LRRK1: variants seen among roughly 807,000 people sequenced by gnomAD.
The protein encoded by LRRK1 is leucine rich repeat kinase 1.
LRRK1 carries 113 observed loss-of-function variants against 209.1 expected under a neutral mutation model. The observed-to-expected ratio is 0.54, with a 90% CI of 0.46 to 0.63. LRRK1 has a LOEUF of 0.63. LRRK1 is among the 30% of genes least tolerant of loss of function. LRRK1 has a pLI of 0.00. For synonymous variants in LRRK1, 1,144 were observed against 1,099.7 expected (o/e 1.04, Z -0.80); for missense variants, 2,284 against 2,632.2 (o/e 0.87, Z 2.89).
intron 5 of LRRK1, 72 bp downstream of exon 5, chr15:100,988,885 T>A: frequency 8.0e-7 from 1 of 1,256,518 alleles, no homozygotes; most frequent in African/African-American, 1.5e-5. Context: ...TGGGACTGTG[T>A]CTTTATTCTC....
chr15:100,941,430 G>C (rs12912414), intron 2 of LRRK1, among the ~76,000 whole-genome samples: 10 of 121,764 alleles, frequency 8.2e-5, no homozygotes, highest in African/African-American at 1.9e-4. Context: ...GTGTGTGTCT[G>C]TGTGTGTGTG....
intron 20 of LRRK1, among the ~76,000 whole-genome samples, chr15:101,033,872 C>T (rs1422238782): frequency 6.6e-6 from 1 of 152,196 alleles, no homozygotes; most frequent in African/African-American, 2.4e-5. Context: ...TACTAATTTA[C>T]ATTACAGCCA....
At chr15:101,059,891 C>T (rs1353939135) in intron 29 of LRRK1, among the ~76,000 whole-genome samples, 5 of 152,196 alleles carry the variant, frequency 3.3e-5, no homozygotes, top group Non-Finnish European at 7.3e-5. Flanking sequence ...GAAGCAAGGA[C>T]ATCGTCAGAC....
chr15:101,045,096 T>TAA (rs1567260637), intron 20 of LRRK1, among the ~76,000 whole-genome samples: 1 of 152,182 alleles, frequency 6.6e-6, no homozygotes, highest in East Asian at 1.9e-4. Context: ...TGTCAGAGCG[T>TAA]GTAAGTGAGA....
At chr15:100,989,081 C>T (rs2032025185) in intron 5 of LRRK1, among the ~76,000 whole-genome samples, 169 bp from the exon 6 acceptor site, 1 of 152,260 alleles carries the variant, frequency 6.6e-6, no homozygotes, top group Admixed American at 6.5e-5. Context: ...CAAAGCCCCA[C>T]AGAAATTCTC....
chr15:100,927,081 C>A (rs533897459), intron 2 of LRRK1, among the ~76,000 whole-genome samples: 1 of 152,304 alleles, frequency 6.6e-6, no homozygotes, highest in East Asian at 1.9e-4. Context: ...TAGAGCAGCA[C>A]TTCTCAAATT....
At chr15:100,935,749 A>C (rs115225906) in intron 2 of LRRK1, among the ~76,000 whole-genome samples, 2,595 of 152,286 alleles carry the variant, frequency 0.017, 64 homozygotes, top group African/African-American at 0.057. Flanking sequence ...CTGGCTTAAA[A>C]GAACAACGAA....
rs767798940 is a variant in LRRK1, at chr15:101,024,696, T to C, written c.2068-107T>C. On this transcript the variant is annotated intron_variant, in intron 15 of 33. Coordinates refer to ENST00000388948, the MANE Select transcript of LRRK1 (RefSeq NM_024652.6). The surrounding 1 kb of genome is among the most constrained non-coding windows in gnomAD (Gnocchi z 4.6). ...TCCAGAACTTTTCCACGGTTGTTTT[T>C]TCAGACCCCCGAGTCCAGCCTCCAG... The C allele has an allele frequency of 4.8e-6, 6 of 1,258,114 alleles. No individual in the cohort carries two copies. Among genetic ancestry groups the C allele is most frequent in the African/African-American group, 1.5e-5 (1 of 66,800 alleles). 77.9% of individuals were successfully genotyped at this position (1,258,114 alleles called of 1,614,324 possible).
intron 11 of LRRK1, 47 bp downstream of exon 11, chr15:101,014,475 G>A (rs2033433190): frequency 7.7e-7 from 1 of 1,297,056 alleles, no homozygotes; most frequent in East Asian, 2.3e-5. Context: ...GCGTGTGTGG[G>A]GCCACGGTCG....
intron 2 of LRRK1, among the ~76,000 whole-genome samples, chr15:100,930,586 C>T (rs1404545634): frequency 6.6e-6 from 1 of 152,238 alleles, no homozygotes; most frequent in Non-Finnish European, 1.5e-5. Context: ...TGCAGGGCAG[C>T]CCTATCTGGT....
chr15:100,991,115 G>C (rs2032138405), intron 6 of LRRK1, among the ~76,000 whole-genome samples: 1 of 152,186 alleles, frequency 6.6e-6, no homozygotes, highest in African/African-American at 2.4e-5. Context: ...CATCTGAATT[G>C]AGATGTCACC....
At chr15:101,016,973 G>T (rs930260121) in intron 12 of LRRK1, among the ~76,000 whole-genome samples, 2 of 152,142 alleles carry the variant, frequency 1.3e-5, no homozygotes, top group Non-Finnish European at 2.9e-5. Flanking sequence ...AGCTCTTTTT[G>T]TTCCATTATC....
intron 11 of LRRK1, among the ~76,000 whole-genome samples, chr15:101,014,821 T>G (rs142093124): frequency 1.2e-3 from 179 of 152,370 alleles, no homozygotes; most frequent in Non-Finnish European, 1.0e-3. Flanking sequence ...TACAGTCACA[T>G]TCTGAGGAAT....
At position 101,071,726 on chromosome 15, in the gene LRRK1, G is replaced by C. The variant is rs2036813366; in HGVS notation, c.*2878G>C. On this transcript the variant is annotated 3_prime_UTR_variant, in exon 34 of 34. Coordinates refer to ENST00000388948, the MANE Select transcript of LRRK1 (RefSeq NM_024652.6). ...TTTAGGAGCTCACTCCTCATAGGTAGAGTTGACAATAAGCACACAAACAAG... is the reference window on the plus strand; with the variant it reads ...TTTAGGAGCTCACTCCTCATAGGTACAGTTGACAATAAGCACACAAACAAG... 6.6e-6 allele frequency: 1 copy of C among 152,196 alleles called. No homozygotes were observed. Among genetic ancestry groups the C allele is most frequent in the Admixed American group, 6.5e-5 (1 of 15,270 alleles). 9.4% of individuals were successfully genotyped at this position (152,196 alleles called of 1,614,324 possible). A position where few individuals can be genotyped will look rare whatever the true frequency, so the allele number is the denominator to read the frequency against.
chr15:100,997,320 G>C (rs753053617), intron 6 of LRRK1, among the ~76,000 whole-genome samples: 23 of 152,240 alleles, frequency 1.5e-4, no homozygotes, highest in Admixed American at 3.9e-4. Flanking sequence ...GTAGATCATT[G>C]GTGCAACTCC....
chr15:100,994,245 G>A (rs1162757925), intron 6 of LRRK1, among the ~76,000 whole-genome samples: 2 of 152,164 alleles, frequency 1.3e-5, no homozygotes, highest in African/African-American at 4.8e-5. Context: ...TTGATGCTTA[G>A]ACTCCCGAAC....
At chr15:101,005,071 C>G (rs2032878372) in intron 6 of LRRK1, among the ~76,000 whole-genome samples, 1 of 152,164 alleles carries the variant, frequency 6.6e-6, no homozygotes, top group Admixed American at 6.5e-5. Context: ...AATGGCCACG[C>G]AGAGTGAGTG....
intron 2 of LRRK1, among the ~76,000 whole-genome samples, chr15:100,973,109 G>A (rs546668685): frequency 2.6e-5 from 4 of 152,324 alleles, no homozygotes; most frequent in South Asian, 4.1e-4. Flanking sequence ...TCGGCCTGCC[G>A]TGGCCGCCCC....
chr15:100,989,423 G>C (rs766538470), intron 6 of LRRK1, 25 bp downstream of exon 6: 2 of 1,612,576 alleles, frequency 1.2e-6, no homozygotes, highest in African/African-American at 2.7e-5. Flanking sequence ...CCTGTGGAGT[G>C]TGTTTTAGTT....
Sources: gnomAD v4.1 joint callset for allele counts (sites outside exome capture counted in the v4.1 genomes callset) on GRCh38, gnomAD v4.1.1 for gene constraint, Gnocchi (gnomAD v3.1) non-coding constraint, MANE v1.5 for transcripts, NCBI Gene and HGNC (gene_info 2026-07-23, HGNC 2026-07-21) for gene names.